ARMH3: variants seen among roughly 807,000 people sequenced by gnomAD.
ARMH3 encodes the protein armadillo like helical domain containing 3, also known as armadillo-like helical domain-containing protein 3.
ARMH3 carries 60 observed loss-of-function variants against 99.1 expected under a neutral mutation model. The ratio of observed to expected loss-of-function variants is 0.61; its 90% CI spans 0.49 to 0.75. ARMH3 has a LOEUF of 0.75. ARMH3 is among the 30% of genes least tolerant of loss of function. The pLI, the probability that ARMH3 is intolerant of heterozygous loss-of-function variation, is 0.00. For synonymous variants in ARMH3, 285 were observed against 292.8 expected (o/e 0.97, Z 0.27); for missense variants, 679 against 843.1 (o/e 0.81, Z 2.41).
intron 23 of ARMH3, among the ~76,000 whole-genome samples, chr10:101,930,105 T>TA (rs1194323939): frequency 6.6e-6 from 1 of 152,110 alleles, no homozygotes; most frequent in African/African-American, 2.4e-5. Context: ...CTGCAAAATA[T>TA]AAAAATTATA....
intron 11 of ARMH3, among the ~76,000 whole-genome samples, chr10:102,010,502 T>C (rs1263508877): frequency 6.6e-6 from 1 of 152,194 alleles, no homozygotes; most frequent in African/African-American, 2.4e-5. Context: ...AGACCAAAGC[T>C]GTCTATATGA....
chr10:102,052,963 T>C (rs1334472275), intron 1 of ARMH3, among the ~76,000 whole-genome samples: 2 of 152,020 alleles, frequency 1.3e-5, no homozygotes, highest in Non-Finnish European at 2.9e-5. Flanking sequence ...TTCTAATCCA[T>C]ATCCTGTCAA....
intron 23 of ARMH3, among the ~76,000 whole-genome samples, chr10:101,929,057 C>T (rs920991062): frequency 1.1e-4 from 17 of 152,152 alleles, no homozygotes; most frequent in African/African-American, 3.9e-4. Flanking sequence ...AAAAAGAGCA[C>T]AGTACAAGAA....
rs374433302 is a variant in ARMH3, at chr10:101,998,198, A to C, written c.1151-2843T>G. On this transcript the variant is annotated intron_variant, in intron 15 of 25. Transcript: ENST00000370033. ...CAGTTCACTGTGTTATATCCGGCAAAGCTAAAAGTTCATTTTCTAGGTCAC... is the reference window on the plus strand; with the variant it reads ...CAGTTCACTGTGTTATATCCGGCAACGCTAAAAGTTCATTTTCTAGGTCAC... Among the ~76,000 whole-genome samples the C allele has an allele frequency of 9.2e-5, 14 of 152,330 alleles. No homozygotes were observed. In the South Asian group the frequency reaches 2.9e-3, roughly 32 times the overall value.
At chr10:101,848,245 G>C (rs2066505749) in intron 25 of ARMH3, among the ~76,000 whole-genome samples, 1 of 152,130 alleles carries the variant, frequency 6.6e-6, no homozygotes, top group South Asian at 2.1e-4. Flanking sequence ...TTCTAAAGAT[G>C]CCTGCCCACT....
At position 101,990,739 on chromosome 10, in the gene ARMH3, T is replaced by C. The variant is rs1005311304; in HGVS notation, c.1346-128A>G. The C allele has an allele frequency of 8.6e-5, 60 of 699,420 alleles. No individual in the cohort carries two copies. In the African/African-American group the frequency reaches 9.8e-4, roughly 11 times the overall value. The allele number at this position is 699,420 out of a possible 1,614,324, so 43.3% of individuals were successfully genotyped here. On this transcript the variant is annotated intron_variant, in intron 18 of 25. Transcript: ENST00000370033. ...ACGGCATCCACTAACCACATCTTTA[T>C]TCATATACACTTATTTTATATAACG...
chr10:102,032,499 C>T (rs1475289506), intron 4 of ARMH3, among the ~76,000 whole-genome samples: 2 of 152,178 alleles, frequency 1.3e-5, no homozygotes, highest in Non-Finnish European at 2.9e-5. Flanking sequence ...CTCCCGAGTT[C>T]AAGCAATTCT....
At chr10:101,850,060 C>T (rs1256162557) in intron 24 of ARMH3, among the ~76,000 whole-genome samples, 168 bp from the exon 25 acceptor site, 1 of 149,876 alleles carries the variant, frequency 6.7e-6, no homozygotes, top group Non-Finnish European at 1.5e-5. Flanking sequence ...AGCGATGCCT[C>T]AGGTTTCTGG....
intron 22 of ARMH3, among the ~76,000 whole-genome samples, chr10:101,943,860 C>T (rs1007049195): frequency 2.0e-5 from 3 of 151,144 alleles, no homozygotes; most frequent in African/African-American, 7.3e-5. Context: ...CTCAGGAGAT[C>T]GAGACCATCC....
chr10:101,980,910 C>T (rs181893939), intron 19 of ARMH3, among the ~76,000 whole-genome samples: 244 of 152,126 alleles, frequency 1.6e-3, no homozygotes, highest in Admixed American at 2.6e-3. Context: ...TCCTTTGCAG[C>T]GACATGGATG....
intron 23 of ARMH3, among the ~76,000 whole-genome samples, chr10:101,905,935 T>C (rs948775140): frequency 6.6e-6 from 1 of 152,246 alleles, no homozygotes; most frequent in Non-Finnish European, 1.5e-5. Flanking sequence ...CGGAGTATCA[T>C]TCTTATACAG....
intron 24 of ARMH3, among the ~76,000 whole-genome samples, chr10:101,876,515 G>A (rs373869733): frequency 6.6e-6 from 1 of 152,192 alleles, no homozygotes; most frequent in South Asian, 2.1e-4. Context: ...CCCATCTGTG[G>A]GCTCTAACTA....
intron 22 of ARMH3, among the ~76,000 whole-genome samples, chr10:101,942,208 CA>C: frequency 6.6e-6 from 1 of 151,940 alleles, no homozygotes; most frequent in East Asian, 1.9e-4. Flanking sequence ...TTATAGTACA[CA>C]AAAATAATAT....
chr10:102,040,245 A>G (rs1298637252), intron 1 of ARMH3, 120 bp from the exon 2 acceptor site: 3 of 804,588 alleles, frequency 3.7e-6, no homozygotes, highest in Non-Finnish European at 2.0e-6. Flanking sequence ...AGTGAATCCT[A>G]ATGTAAACTG....
At chr10:102,009,531 T>A in intron 12 of ARMH3, 82 bp from the exon 13 acceptor site, 1 of 1,173,706 alleles carries the variant, frequency 8.5e-7, no homozygotes, top group Non-Finnish European at 1.3e-6. Context: ...AAGATTGGAT[T>A]GCACCCCAGC....
In ARMH3 at chr10:101,941,164, T is replaced by A. The variant is rs372892342; in HGVS notation, c.1706-1226A>T. Among the ~76,000 whole-genome samples, 6 of 152,342 alleles carry A rather than the reference T, an allele frequency of 3.9e-5. No individual in the cohort carries two copies. The East Asian group carries it at 1.2e-3, about 29-fold the overall frequency. ...CCTGGAGGGAAATGACTCAAGAGCC[T>A]ACATTTATGTAGAGAAGTAACTACA... On this transcript the variant is annotated intron_variant, in intron 22 of 25. Coordinates refer to ENST00000370033, the MANE Select transcript of ARMH3 (RefSeq NM_024541.3).
intron 18 of ARMH3, among the ~76,000 whole-genome samples, chr10:101,990,902 C>A (rs1361890889): frequency 6.6e-6 from 1 of 152,206 alleles, no homozygotes; most frequent in Non-Finnish European, 1.5e-5. Flanking sequence ...GATATTTCAT[C>A]CCATGGCATT....
At chr10:101,990,498 C>T in intron 19 of ARMH3, 53 bp downstream of exon 19, 1 of 1,386,890 alleles carries the variant, frequency 7.2e-7, no homozygotes, top group Non-Finnish European at 1.0e-6. Flanking sequence ...TTCTAACATT[C>T]AGTTCTTTAA....
intron 4 of ARMH3, among the ~76,000 whole-genome samples, chr10:102,032,534 G>A (rs2067155244): frequency 6.6e-6 from 1 of 152,062 alleles, no homozygotes; most frequent in African/African-American, 2.4e-5. Flanking sequence ...CTGAGTAGAT[G>A]GGATTACAGG....
Sources: gnomAD v4.1 joint callset for allele counts (sites outside exome capture counted in the v4.1 genomes callset) on GRCh38, gnomAD v4.1.1 for gene constraint, MANE v1.5 for transcripts, NCBI Gene and HGNC (gene_info 2026-07-23, HGNC 2026-07-21) for gene names.